KLHL40: variants seen among roughly 807,000 people sequenced by gnomAD.
The protein encoded by KLHL40 is kelch like family member 40.
In KLHL40, 44 loss-of-function variants were observed where a neutral mutation model predicts 49.7. The observed-to-expected ratio is 0.89, with a 90% confidence interval of 0.70 to 1.14. KLHL40 has a LOEUF of 1.14. KLHL40 is among the 50% of genes most tolerant of loss of function. The probability of loss-of-function intolerance (pLI) is 0.00; values close to 1 mark genes in which losing one functional copy is unlikely to be tolerated. For missense variants in KLHL40, 892 were observed against 850.3 expected, an observed-to-expected ratio of 1.05 and a Z score of -0.61; for synonymous variants, 409 against 365.2, an observed-to-expected ratio of 1.12 and a Z score of -1.37.
In KLHL40 at chr3:42,685,726, G is replaced by A. The variant is rs533754492; in HGVS notation, c.108G>A (p.Val36=). The change falls in exon 1 of 6, where the codon GTG becomes GTA. Residue 36 remains valine (V), a synonymous_variant. Transcript: ENST00000287777. The stretch of plus-strand genomic sequence containing the variant: ...ACCATGGCAAGTTCCTCGACTGTGT[G>A]GTGCGGGCGGGCGAGCGCGAGTTCC... The part of the protein sequence containing the change: ...MLDHGKFLDC[V]VRAGEREFPC... The A allele has an allele frequency of 1.2e-5, 20 of 1,613,066 alleles. No homozygotes were observed. The Admixed American group carries it at 2.2e-4, about 17-fold the overall frequency.
In KLHL40 at chr3:42,688,368, C is replaced by T. The variant is rs1029296640; in HGVS notation, c.1313+66C>T. The T allele has an allele frequency of 1.3e-6, 2 of 1,530,484 alleles. No individual in the cohort carries two copies. The highest frequency in any genetic ancestry group is 1.8e-6 in the Non-Finnish European group (2 of 1,116,488). The allele number at this position is 1,530,484 out of a possible 1,614,324, so 94.8% of individuals were successfully genotyped here. A position where few individuals can be genotyped will look rare whatever the true frequency, so the allele number is the denominator to read the frequency against. The stretch of plus-strand genomic sequence containing the variant: ...GTGGGGCATGGAGGCCGCAGCTGGT[C>T]TAGGGCCTGGGGTGGGATTTGGAGC... On this transcript the variant is annotated intron_variant, in intron 2 of 5. Transcript: ENST00000287777. This position sits in a 1 kb window ranked among gnomAD's most constrained non-coding sequence, Gnocchi z 4.2.
At position 42,688,561 on chromosome 3, in the gene KLHL40, C is replaced by A; in HGVS notation, c.1314-49C>A. On this transcript the variant is annotated intron_variant, in intron 2 of 5. Transcript: ENST00000287777. This position sits in a 1 kb window ranked among gnomAD's most constrained non-coding sequence, Gnocchi z 4.2. ...GATGGGTGCAGAGACAGGGACTGAG[C>A]CGAGCCTGGATGGGTGCCCTCCCCC... The A allele has an allele frequency of 2.1e-6, 3 of 1,397,578 alleles. No individual in the cohort carries two copies. Among genetic ancestry groups the A allele is most frequent in the Non-Finnish European group, 3.0e-6 (3 of 988,964 alleles). The allele number at this position is 1,397,578 out of a possible 1,614,324, so 86.6% of individuals were successfully genotyped here. A position where few individuals can be genotyped will look rare whatever the true frequency, so the allele number is the denominator to read the frequency against.
At position 42,688,542 on chromosome 3, in the gene KLHL40, T is replaced by A; in HGVS notation, c.1314-68T>A. ...TGTGTTAGGTGGATGGGCGGATGGG[T>A]GCAGAGACAGGGACTGAGCCGAGCC... On this transcript the variant is annotated intron_variant, in intron 2 of 5. Coordinates refer to ENST00000287777, the MANE Select transcript of KLHL40 (RefSeq NM_152393.4). This position sits in a 1 kb window ranked among gnomAD's most constrained non-coding sequence, Gnocchi z 4.2. 8.3e-7 allele frequency: 1 copy of A among 1,203,598 alleles called. No individual in the cohort carries two copies. The highest frequency in any genetic ancestry group is 1.2e-6 in the Non-Finnish European group (1 of 818,240). The allele number at this position is 1,203,598 out of a possible 1,614,324, so 74.6% of individuals were successfully genotyped here.
chr3:42,692,192 G>T lies in KLHL40; in HGVS notation c.*199G>T, dbSNP rs1697382722. ...TTTTGGGCAAGGGTGAGAAACTAGAGGCTTCTCCAGTGTTGCCATATCCCC... is the reference window on the plus strand; with the variant it reads ...TTTTGGGCAAGGGTGAGAAACTAGATGCTTCTCCAGTGTTGCCATATCCCC... On this transcript the variant is annotated 3_prime_UTR_variant, in exon 6 of 6. Transcript: ENST00000287777. 3.5e-6 allele frequency: 2 copies of T among 567,102 alleles called. No individual in the cohort carries two copies. Among genetic ancestry groups the T allele is most frequent in the Non-Finnish European group, 6.3e-6 (2 of 316,572 alleles). The allele number at this position is 567,102 out of a possible 1,614,324, so 35.1% of individuals were successfully genotyped here.
Position 42,688,396 on chromosome 3 carries a change from G to A in KLHL40, c.1313+94G>A. The A allele has an allele frequency of 7.1e-7, 1 of 1,415,096 alleles. No individual in the cohort carries two copies. The highest frequency in any genetic ancestry group is 1.2e-5 in the South Asian group (1 of 82,612). The allele number at this position is 1,415,096 out of a possible 1,614,324, so 87.7% of individuals were successfully genotyped here. On this transcript the variant is annotated intron_variant, in intron 2 of 5. Coordinates refer to ENST00000287777, the MANE Select transcript of KLHL40 (RefSeq NM_152393.4). The surrounding 1 kb of genome is among the most constrained non-coding windows in gnomAD (Gnocchi z 4.2). ...GGGCCTGGGGTGGGATTTGGAGCTAGAGCCTTGTGCTTAGAGTGAAGGTGG... is the reference window on the plus strand; with the variant it reads ...GGGCCTGGGGTGGGATTTGGAGCTAAAGCCTTGTGCTTAGAGTGAAGGTGG...
In KLHL40 at chr3:42,685,907, G is replaced by A. The variant is rs760969518; in HGVS notation, c.289G>A (p.Asp97Asn). ...HYLYTSEIAL[D>N]EASVQDLFAA... is the part of the protein sequence containing the mutation. Reference sequence around the variant, plus strand: ...CCTGTACACATCAGAGATCGCGCTGGATGAGGCGAGCGTGCAGGATTTGTT... The same window carrying A: ...CCTGTACACATCAGAGATCGCGCTGAATGAGGCGAGCGTGCAGGATTTGTT... Residue 97 changes from aspartate (D) to asparagine (N), a missense_variant, in exon 1 of 6, where the codon GAT becomes AAT. Physicochemically the swap from Asp to Asn is conservative, Grantham distance 23 (BLOSUM62 1). Transcript: ENST00000287777. 1.9e-6 allele frequency: 3 copies of A among 1,611,890 alleles called. No individual in the cohort carries two copies. The highest frequency in any genetic ancestry group is 2.2e-5 in the East Asian group (1 of 44,874).
chr3:42,686,398 A>T lies in KLHL40; in HGVS notation c.780A>T (p.Ala260=), dbSNP rs999165897. The stretch of plus-strand genomic sequence containing the variant: ...GCAAGGTGCAGATGGTGAAGGATGC[A>T]CACGAGGGCCGCATCACCACGCTGC... ...LLRKVQMVKD[A]HEGRITTLRK... The change falls in exon 1 of 6, where the codon GCA becomes GCT. Residue 260 remains alanine (A), a synonymous_variant. Coordinates refer to ENST00000287777, the MANE Select transcript of KLHL40 (RefSeq NM_152393.4). The T allele has an allele frequency of 1.2e-6, 2 of 1,613,592 alleles. No homozygotes were observed. The highest frequency in any genetic ancestry group is 2.7e-5 in the African/African-American group (2 of 75,044).
At position 42,688,077 on chromosome 3, in the gene KLHL40, T is replaced by C. The variant is rs1357962339; in HGVS notation, c.1153-65T>C. On this transcript the variant is annotated intron_variant, in intron 1 of 5. Transcript: ENST00000287777. This position sits in a 1 kb window ranked among gnomAD's most constrained non-coding sequence, Gnocchi z 4.2. ...CCTCCGTGATCTGGGGCAGTGGGACTGAGTGGGGCTGGGCTGAGGCTGGGG... is the reference window on the plus strand; with the variant it reads ...CCTCCGTGATCTGGGGCAGTGGGACCGAGTGGGGCTGGGCTGAGGCTGGGG... 2 of 1,602,182 alleles carry C rather than the reference T, an allele frequency of 1.2e-6. No homozygotes were observed. Among genetic ancestry groups the C allele is most frequent in the Non-Finnish European group, 1.7e-6 (2 of 1,172,428 alleles).
At chr3:42,690,735 G>A in intron 4 of KLHL40, 124 bp from the exon 5 acceptor site, 1 of 967,708 alleles carries the variant, frequency 1.0e-6, no homozygotes, top group Non-Finnish European at 1.5e-6. Flanking sequence ...ATGGGGTTGG[G>A]GGCATGGGTG....
In KLHL40 at chr3:42,690,832, A is replaced by G. The variant is rs774022019; in HGVS notation, c.1608-27A>G. The G allele has an allele frequency of 1.3e-4, 197 of 1,565,288 alleles. No individual in the cohort carries two copies. In the South Asian group the frequency reaches 1.5e-3, roughly 12 times the overall value. On this transcript the variant is annotated intron_variant, in intron 4 of 5. Transcript: ENST00000287777. Reference sequence around the variant, plus strand: ...TCACTGGGCTTGCCGAGGCATCCCAATGATGCACCTTCTCACACACCCCCA... The same window carrying G: ...TCACTGGGCTTGCCGAGGCATCCCAGTGATGCACCTTCTCACACACCCCCA...
rs775345089 is a variant in KLHL40, at chr3:42,686,530, G to A, written c.912G>A (p.Gly304=). 13 of 1,614,124 alleles carry A rather than the reference G, an allele frequency of 8.1e-6. No homozygotes were observed. In the East Asian group the frequency reaches 2.7e-4, roughly 33 times the overall value. ...EDEEAERILP[G]ILNDTLRFGM... ...AGGAGGCCGAACGTATCCTTCCTGG[G>A]ATCCTCAATGACACCCTGCGCTTCG... Residue 304 remains glycine, a synonymous_variant, in exon 1 of 6, where the codon GGG becomes GGA. Transcript: ENST00000287777.
In KLHL40 at chr3:42,685,991, C is replaced by T. The variant is rs1697265339; in HGVS notation, c.373C>T (p.Gln125Ter). ...CTTCACCATCTGCGTGTCCTTCCTG[C>T]AGAAGCGCCTGTGCCTCTCCAACTG... The part of the protein sequence containing the change: ...SIFTICVSFL[Q>*]KRLCLSNCLA... The change falls in exon 1 of 6, where the codon CAG becomes TAG. Residue 125 changes from glutamine (Q) to a stop codon, truncating the protein, a stop_gained. Transcript: ENST00000287777. LOFTEE classifies it high-confidence loss of function. 2 of 1,611,684 alleles carry T rather than the reference C, an allele frequency of 1.2e-6. No individual in the cohort carries two copies. Among genetic ancestry groups the T allele is most frequent in the Non-Finnish European group, 1.7e-6 (2 of 1,179,980 alleles).
chr3:42,685,668 C>G lies in KLHL40; in HGVS notation c.50C>G (p.Thr17Arg), dbSNP rs774037458. 3.7e-6 allele frequency: 6 copies of G among 1,611,854 alleles called. No homozygotes were observed. In the East Asian group the frequency reaches 8.9e-5, roughly 24 times the overall value. The change falls in exon 1 of 6, where the codon ACG (threonine) becomes AGG (arginine). Residue 17 changes from threonine (T) to arginine (R), a missense_variant. Thr to Arg is a moderately conservative substitution (Grantham distance 71). Transcript: ENST00000287777. ...GAGGAGCAGCGGTTGTACCAGCAGA[C>G]GCTCCTGCAAGACGGGCTCAAAGAC... ...QAEEQRLYQQ[T>R]LLQDGLKDML...
Position 42,688,049 on chromosome 3 carries a change from C to A in KLHL40, c.1153-93C>A. On this transcript the variant is annotated intron_variant, in intron 1 of 5. Coordinates refer to ENST00000287777, the MANE Select transcript of KLHL40 (RefSeq NM_152393.4). The surrounding 1 kb of genome is among the most constrained non-coding windows in gnomAD (Gnocchi z 4.2). The stretch of plus-strand genomic sequence containing the variant: ...GTATTGGCCCTACCTGGGTTCCCGA[C>A]CTCCTCCGTGATCTGGGGCAGTGGG... 6.6e-7 allele frequency: 1 copy of A among 1,518,812 alleles called. No homozygotes were observed. Among genetic ancestry groups the A allele is most frequent in the Non-Finnish European group, 9.0e-7 (1 of 1,106,332 alleles). The allele number at this position is 1,518,812 out of a possible 1,614,324, so 94.1% of individuals were successfully genotyped here.
In KLHL40 at chr3:42,688,353, G is replaced by A; in HGVS notation, c.1313+51G>A. Reference sequence around the variant, plus strand: ...GCTCCGTGGGGGTGAGTGGGGCATGGAGGCCGCAGCTGGTCTAGGGCCTGG... The same window carrying A: ...GCTCCGTGGGGGTGAGTGGGGCATGAAGGCCGCAGCTGGTCTAGGGCCTGG... On this transcript the variant is annotated intron_variant, in intron 2 of 5. Coordinates refer to ENST00000287777, the MANE Select transcript of KLHL40 (RefSeq NM_152393.4). This position sits in a 1 kb window ranked among gnomAD's most constrained non-coding sequence, Gnocchi z 4.2. 2 of 1,595,144 alleles carry A rather than the reference G, an allele frequency of 1.3e-6. No individual in the cohort carries two copies. The highest frequency in any genetic ancestry group is 1.7e-6 in the Non-Finnish European group (2 of 1,164,030).
intron 1 of KLHL40, 88 bp downstream of exon 1, chr3:42,686,858 C>A: frequency 8.5e-7 from 1 of 1,179,214 alleles, no homozygotes; most frequent in South Asian, 1.6e-5. Context: ...CTTGTGTCTA[C>A]ACAAGTGAAT....
chr3:42,689,880 G>T (rs1473562196), intron 4 of KLHL40, among the ~76,000 whole-genome samples: 2 of 152,168 alleles, frequency 1.3e-5, no homozygotes, highest in African/African-American at 4.8e-5. Flanking sequence ...GCACCCCCAG[G>T]AGATGCTGAC....
rs770267750 is a variant in KLHL40 at position 42,688,268 on chromosome 3, CGCTGCCTGGACTCG to C, written c.1281_1294del (p.Cys428HisfsTer12). ...TGGCAGAGAGATCAAGGACGGCGAG[CGCTGCCTGGACTCG>C]GTCATGTGCTACGACAGGCTGTGAG... On this transcript the variant is annotated frameshift_variant, in exon 2 of 6. Coordinates refer to ENST00000287777, the MANE Select transcript of KLHL40 (RefSeq NM_152393.4). LOFTEE classifies it high-confidence loss of function. This position sits in a 1 kb window ranked among gnomAD's most constrained non-coding sequence, Gnocchi z 4.2. 1 of 1,613,852 alleles carries C rather than the reference CGCTGCCTGGACTCG, an allele frequency of 6.2e-7. No individual in the cohort carries two copies. The highest frequency in any genetic ancestry group is 2.2e-5 in the East Asian group (1 of 44,852).
In KLHL40 at chr3:42,686,781, A is replaced by G; in HGVS notation, c.1152+11A>G. On this transcript the variant is annotated intron_variant, in intron 1 of 5. Coordinates refer to ENST00000287777, the MANE Select transcript of KLHL40 (RefSeq NM_152393.4). ...GCATACTTCCTGCAGGTGCCTGACC[A>G]GCCTTGGGAGCCGCCAGCTAATGCT... The G allele has an allele frequency of 6.3e-7, 1 of 1,590,294 alleles. No homozygotes were observed. Among genetic ancestry groups the G allele is most frequent in the South Asian group, 1.2e-5 (1 of 86,846 alleles).
Sources: allele counts gnomAD v4.1 joint callset (sites outside exome capture counted in the v4.1 genomes callset), GRCh38; gene constraint gnomAD v4.1.1; non-coding constraint Gnocchi (gnomAD v3.1); transcripts MANE v1.5; gene names NCBI Gene and HGNC (gene_info 2026-07-23, HGNC 2026-07-21).